PPP3R1: variants seen among roughly 807,000 people sequenced by gnomAD.
The protein encoded by PPP3R1 is protein phosphatase 3 regulatory subunit B, alpha, also known as calcineurin subunit B type 1.
Under a neutral mutation model 22.6 loss-of-function variants are expected in PPP3R1, and 5 were observed. The observed-to-expected ratio is 0.22, with a 90% confidence interval of 0.12 to 0.46. The LOEUF is 0.46. PPP3R1 is among the 20% of genes least tolerant of loss of function. PPP3R1 has a pLI of 0.99. For missense variants in PPP3R1, 61 were observed against 203.2 expected, an observed-to-expected ratio of 0.30 and a Z score of 4.25; for synonymous variants, 56 against 65.2, an observed-to-expected ratio of 0.86 and a Z score of 0.68.
intron 2 of PPP3R1, among the ~76,000 whole-genome samples, chr2:68,195,491 T>A (rs1674748909): frequency 6.6e-6 from 1 of 152,124 alleles, no homozygotes; most frequent in African/African-American, 2.4e-5. Flanking sequence ...TCTTTTCCTT[T>A]GCAGTTAAAA....
At chr2:68,226,406 A>G (rs539194905) in intron 1 of PPP3R1, among the ~76,000 whole-genome samples, 1 of 152,316 alleles carries the variant, frequency 6.6e-6, no homozygotes, top group African/African-American at 2.4e-5. Context: ...TTAATACATA[A>G]TTTTAGTCTC....
chr2:68,197,302 GTCTA>G (rs1161124026), intron 2 of PPP3R1, among the ~76,000 whole-genome samples: 2 of 152,002 alleles, frequency 1.3e-5, no homozygotes, highest in Admixed American at 6.6e-5. Flanking sequence ...AGGTACTCGC[GTCTA>G]TCTTCTTTTA....
rs1413795551 is a variant in PPP3R1 at position 68,199,706 on chromosome 2, GAGA to G, written c.44-11019_44-11017del. Reference sequence around the variant, plus strand: ...TGCCAAACACTTTGCTGTAATTACTGAGAAGATGTTTTTCTCTTTTGTCAAAAT... The same window carrying G: ...TGCCAAACACTTTGCTGTAATTACTGAGATGTTTTTCTCTTTTGTCAAAAT... On this transcript the variant is annotated intron_variant, in intron 2 of 5. Coordinates refer to ENST00000234310, the MANE Select transcript of PPP3R1 (RefSeq NM_000945.4). 7.9e-5 allele frequency among the ~76,000 whole-genome samples: 12 copies of G among 152,276 alleles called. No homozygotes were observed. The South Asian group carries it at 1.7e-3, about 21-fold the overall frequency.
At chr2:68,234,298 G>A (rs898902619) in intron 1 of PPP3R1, among the ~76,000 whole-genome samples, 1 of 151,812 alleles carries the variant, frequency 6.6e-6, no homozygotes, top group Non-Finnish European at 1.5e-5. Context: ...AGCCGAGATT[G>A]TGCCACTGCA....
At chr2:68,226,106 T>C (rs530857547) in intron 1 of PPP3R1, among the ~76,000 whole-genome samples, 1 of 152,298 alleles carries the variant, frequency 6.6e-6, no homozygotes, top group South Asian at 2.1e-4. Context: ...TATGGTTCCA[T>C]TTATAAATGC....
At chr2:68,187,932 T>C (rs536334463) in intron 3 of PPP3R1, among the ~76,000 whole-genome samples, 13 of 150,550 alleles carry the variant, frequency 8.6e-5, no homozygotes, top group South Asian at 2.1e-4. Flanking sequence ...TTTTGGGAGG[T>C]TGAGGCACGT....
intron 1 of PPP3R1, among the ~76,000 whole-genome samples, chr2:68,229,975 C>CACAG (rs1669860685): frequency 2.8e-5 from 1 of 35,824 alleles, no homozygotes. Context: ...TACACACATA[C>CACAG]ACACACACAC....
At chr2:68,249,357 T>C (rs1255138062) in intron 1 of PPP3R1, among the ~76,000 whole-genome samples, 1 of 152,130 alleles carries the variant, frequency 6.6e-6, no homozygotes, top group Admixed American at 6.5e-5. Flanking sequence ...ATATGTTGTG[T>C]AAAACTCTAC....
At chr2:68,211,916 A>G (rs1002463863) in intron 2 of PPP3R1, among the ~76,000 whole-genome samples, 2 of 152,172 alleles carry the variant, frequency 1.3e-5, no homozygotes, top group African/African-American at 4.8e-5. Flanking sequence ...TGCTCCTTCT[A>G]TCACATCTGC....
At chr2:68,216,915 C>T (rs1669589555) in intron 2 of PPP3R1, among the ~76,000 whole-genome samples, 177 bp downstream of exon 2, 1 of 151,946 alleles carries the variant, frequency 6.6e-6, no homozygotes, top group Admixed American at 6.6e-5. Flanking sequence ...ACTCTGGTAA[C>T]ATAAATAGAC....
At chr2:68,201,403 C>T (rs955616209) in intron 2 of PPP3R1, among the ~76,000 whole-genome samples, 1 of 152,178 alleles carries the variant, frequency 6.6e-6, no homozygotes, top group African/African-American at 2.4e-5. Context: ...CTGCATCCCC[C>T]AGTTTCTTTT....
chr2:68,228,731 T>C (rs1669831701), intron 1 of PPP3R1, among the ~76,000 whole-genome samples: 1 of 152,034 alleles, frequency 6.6e-6, no homozygotes, highest in Non-Finnish European at 1.5e-5. Flanking sequence ...GAGCTTAGAT[T>C]ATTGATTTGA....
chr2:68,191,828 C>A (rs578229743), intron 2 of PPP3R1, among the ~76,000 whole-genome samples: 62 of 152,236 alleles, frequency 4.1e-4, no homozygotes, highest in East Asian at 1.2e-3. Context: ...TGTGACATAA[C>A]TGCAAACTGT....
Position 68,180,754 on chromosome 2 carries a change from T to C in PPP3R1, c.*209A>G. ...ATATGCTCTTTTCATGTTGCTGTCC[T>C]TCAGACTTTAAAGTGCTACACTGAG... On this transcript the variant is annotated 3_prime_UTR_variant, in exon 6 of 6. Coordinates refer to ENST00000234310, the MANE Select transcript of PPP3R1 (RefSeq NM_000945.4). The C allele has an allele frequency of 1.9e-6, 1 of 525,528 alleles. No homozygotes were observed. Among genetic ancestry groups the C allele is most frequent in the Non-Finnish European group, 3.4e-6 (1 of 296,346 alleles). 32.6% of individuals were successfully genotyped at this position (525,528 alleles called of 1,614,324 possible).
chr2:68,216,355 C>A (rs941893645), intron 2 of PPP3R1, among the ~76,000 whole-genome samples: 12 of 151,918 alleles, frequency 7.9e-5, no homozygotes, highest in African/African-American at 2.9e-4. Flanking sequence ...AGGCTTTAGA[C>A]AACAGAATTT....
At chr2:68,212,785 G>A (rs1420213741) in intron 2 of PPP3R1, among the ~76,000 whole-genome samples, 1 of 152,216 alleles carries the variant, frequency 6.6e-6, no homozygotes, top group Non-Finnish European at 1.5e-5. Flanking sequence ...GATTTACAGA[G>A]TGATAAATGA....
chr2:68,204,602 G>A (rs1675069897), intron 2 of PPP3R1, among the ~76,000 whole-genome samples: 1 of 151,912 alleles, frequency 6.6e-6, no homozygotes, highest in Non-Finnish European at 1.5e-5. Context: ...TGTACAATGG[G>A]GAAAGTAATT....
rs115477995 is a variant in PPP3R1, at chr2:68,222,768, A to G, written c.4-5637T>C. 8.0e-3 allele frequency among the ~76,000 whole-genome samples: 1,223 copies of G among 152,298 alleles called. 11 individuals carry two copies. Among genetic ancestry groups the G allele is most frequent in the African/African-American group, 0.028 (1,176 of 41,554 alleles). ...ATATAATAAATCTCTTTCTAGACAT[A>G]TGTATCTCCTACTGGTTATTTCTCT... is the stretch of plus-strand genomic sequence containing the variant. On this transcript the variant is annotated intron_variant, in intron 1 of 5. Coordinates refer to ENST00000234310, the MANE Select transcript of PPP3R1 (RefSeq NM_000945.4).
chr2:68,229,065 C>T (rs929749100), intron 1 of PPP3R1, among the ~76,000 whole-genome samples: 2 of 152,112 alleles, frequency 1.3e-5, no homozygotes, highest in Admixed American at 1.3e-4. Flanking sequence ...TGTCACTCAG[C>T]TTGAGTGTAG....
Sources: gnomAD v4.1 joint callset for allele counts (sites outside exome capture counted in the v4.1 genomes callset) on GRCh38, gnomAD v4.1.1 for gene constraint, MANE v1.5 for transcripts, NCBI Gene and HGNC (gene_info 2026-07-23, HGNC 2026-07-21) for gene names.